The following PHF21B variants were observed in gnomAD, a reference collection of about 807,000 sequenced individuals.
PHF21B encodes the protein PHD finger protein 21B, also known as PHD finger protein 4.
PHF21B carries 22 observed loss-of-function variants against 62.2 expected under a neutral mutation model. The ratio of observed to expected loss-of-function variants is 0.35; its 90% CI spans 0.25 to 0.51. The LOEUF is 0.51. Ranked by LOEUF, PHF21B falls within the 20% of genes least tolerant of loss-of-function variation. The pLI, the probability that PHF21B is intolerant of heterozygous loss-of-function variation, is 0.97. For missense variants in PHF21B, 701 were observed against 707.9 expected (o/e 0.99, Z 0.11); for synonymous variants, 341 against 314.7 (o/e 1.08, Z -0.88).
At chr22:44,921,364 T>G (rs1191777631) in intron 2 of PHF21B, among the ~76,000 whole-genome samples, 1 of 151,962 alleles carries the variant, frequency 6.6e-6, no homozygotes, top group South Asian at 2.1e-4. Context: ...CAGTTCTTTT[T>G]TTTTTTCTTT....
At chr22:44,900,492 G>A (rs2071138323) in intron 5 of PHF21B, among the ~76,000 whole-genome samples, 1 of 152,142 alleles carries the variant, frequency 6.6e-6, no homozygotes, top group African/African-American at 2.4e-5. Flanking sequence ...CTAGAGATGG[G>A]GTTTCACCAT....
chr22:44,885,456 C>T lies in PHF21B; in HGVS notation c.1347G>A (p.Glu449=). 1 of 1,593,210 alleles carries T rather than the reference C, an allele frequency of 6.3e-7. No homozygotes were observed. Among genetic ancestry groups the T allele is most frequent in the Non-Finnish European group, 8.5e-7 (1 of 1,170,680 alleles). Reference sequence around the variant, plus strand: ...CTGCTGACGCCAGCCGCCGGTCCCGCTCCTCCAGCTGCTGGTGCTCGTTCT... The same window carrying T: ...CTGCTGACGCCAGCCGCCGGTCCCGTTCCTCCAGCTGCTGGTGCTCGTTCT... ...ELQNEHQQLE[E]RDRRLASAVQ... Residue 449 remains glutamate, a synonymous_variant, in exon 12 of 13, where the codon GAG becomes GAA. Transcript: ENST00000313237.
At position 44,886,059 on chromosome 22, in the gene PHF21B, G is replaced by A. The variant is rs1057435144; in HGVS notation, c.1198-121C>T. 14 of 836,604 alleles carry A rather than the reference G, an allele frequency of 1.7e-5. No homozygotes were observed. The African/African-American group carries it at 2.0e-4, about 12-fold the overall frequency. 51.8% of individuals were successfully genotyped at this position (836,604 alleles called of 1,614,324 possible). On this transcript the variant is annotated intron_variant, in intron 10 of 12. Coordinates refer to ENST00000313237, the MANE Select transcript of PHF21B (RefSeq NM_138415.5). Reference sequence around the variant, plus strand: ...TGTCTGAGCCACAGGGTCCTCACCCGTGACCAGGAGCTGGGGCCGCACATG... The same window carrying A: ...TGTCTGAGCCACAGGGTCCTCACCCATGACCAGGAGCTGGGGCCGCACATG...
intron 2 of PHF21B, among the ~76,000 whole-genome samples, chr22:45,004,437 A>AG (rs933432942): frequency 3.3e-5 from 5 of 152,176 alleles, no homozygotes; most frequent in African/African-American, 1.2e-4. Context: ...CAGGCTAACC[A>AG]GGGGTGAAAC....
intron 2 of PHF21B, chr22:44,989,474 G>A (rs766497546): frequency 5.3e-5 from 8 of 152,084 alleles, no homozygotes; most frequent in Non-Finnish European, 1.0e-4. Context: ...CTACACAAAT[G>A]TTAGTTGTTG....
chr22:44,931,979 G>A (rs980455173), intron 2 of PHF21B, among the ~76,000 whole-genome samples: 2 of 152,170 alleles, frequency 1.3e-5, no homozygotes, highest in African/African-American at 4.8e-5. Context: ...TGGACAGGAG[G>A]GACATCTCTA....
At chr22:44,958,598 ATTTTTTTTTTT>A (rs59943293) in intron 2 of PHF21B, among the ~76,000 whole-genome samples, 2 of 75,886 alleles carry the variant, frequency 2.6e-5, no homozygotes, top group Non-Finnish European at 4.4e-5. Context: ...CCTTCCTTTG[ATTTTTTTTTTT>A]TTTTTTTTTT....
At chr22:44,975,434 G>A (rs1249332588) in intron 2 of PHF21B, among the ~76,000 whole-genome samples, 2 of 152,124 alleles carry the variant, frequency 1.3e-5, no homozygotes, top group African/African-American at 2.4e-5. Context: ...AGTGTATGGA[G>A]AGCAGGCGTC....
At chr22:44,894,010 G>A (rs2071013899) in intron 6 of PHF21B, among the ~76,000 whole-genome samples, 1 of 152,218 alleles carries the variant, frequency 6.6e-6, no homozygotes, top group Non-Finnish European at 1.5e-5. Flanking sequence ...GCGAGCGAGA[G>A]GGGGCATGGC....
At chr22:44,943,048 T>G (rs2071992654) in intron 2 of PHF21B, among the ~76,000 whole-genome samples, 1 of 139,394 alleles carries the variant, frequency 7.2e-6, no homozygotes, top group African/African-American at 2.8e-5. Flanking sequence ...GCACACAAAG[T>G]AGATGGAAGA....
chr22:44,961,900 A>T (rs2072431471), intron 2 of PHF21B, among the ~76,000 whole-genome samples: 1 of 150,716 alleles, frequency 6.6e-6, no homozygotes, highest in Non-Finnish European at 1.5e-5. Context: ...AAATAAGTAT[A>T]ATGACCTCCA....
chr22:44,928,460 A>G (rs371614726), intron 2 of PHF21B, among the ~76,000 whole-genome samples: 154 of 152,288 alleles, frequency 1.0e-3, no homozygotes, highest in African/African-American at 3.6e-3. Flanking sequence ...CCCAGGCTGC[A>G]GTGCAATAGC....
At chr22:44,992,699 G>C (rs2073060126) in intron 2 of PHF21B, among the ~76,000 whole-genome samples, 5 of 152,210 alleles carry the variant, frequency 3.3e-5, no homozygotes, top group Admixed American at 3.3e-4. Flanking sequence ...TCTGTGGACT[G>C]AACAGCGTGT....
At chr22:44,938,237 G>GT (rs375364728) in intron 2 of PHF21B, among the ~76,000 whole-genome samples, 1 of 151,874 alleles carries the variant, frequency 6.6e-6, no homozygotes, top group African/African-American at 2.4e-5. Flanking sequence ...ACCATGCCTG[G>GT]TTTTTTGTTT....
intron 2 of PHF21B, among the ~76,000 whole-genome samples, chr22:44,954,377 G>C (rs1441353211): frequency 6.6e-6 from 1 of 152,136 alleles, no homozygotes; most frequent in Admixed American, 6.5e-5. Context: ...CTTGGATCTG[G>C]ATCTTGCCAG....
At chr22:44,946,199 G>T (rs1397606180) in intron 2 of PHF21B, among the ~76,000 whole-genome samples, 1 of 152,120 alleles carries the variant, frequency 6.6e-6, no homozygotes. Flanking sequence ...GGCTGAGAGT[G>T]GAGGGGGCAC....
At chr22:44,948,298 C>A (rs936843894) in intron 2 of PHF21B, among the ~76,000 whole-genome samples, 1 of 152,148 alleles carries the variant, frequency 6.6e-6, no homozygotes, top group Admixed American at 6.5e-5. Flanking sequence ...GTCCCATCTG[C>A]GGGTGGGTGA....
At chr22:44,908,119 G>A (rs937904152) in intron 5 of PHF21B, among the ~76,000 whole-genome samples, 2 of 152,200 alleles carry the variant, frequency 1.3e-5, no homozygotes, top group African/African-American at 4.8e-5. Context: ...CGGGTCCTGA[G>A]CAGTAGGTTC....
rs548816247 is a variant in PHF21B, at chr22:44,950,872, T to C, written c.121-30382A>G. ...CAGAGACGCTTGATTTTTTTCTTAC[T>C]CATTCTGGCTAGGGTTAGCCGGTGG... On this transcript the variant is annotated intron_variant, in intron 2 of 12. Coordinates refer to ENST00000313237, the MANE Select transcript of PHF21B (RefSeq NM_138415.5). 4.6e-5 allele frequency among the ~76,000 whole-genome samples: 7 copies of C among 152,268 alleles called. No individual in the cohort carries two copies. The South Asian group carries it at 1.5e-3, about 32-fold the overall frequency.
Sources: gnomAD v4.1 joint callset for allele counts (sites outside exome capture counted in the v4.1 genomes callset) on GRCh38, gnomAD v4.1.1 for gene constraint, MANE v1.5 for transcripts, NCBI Gene and HGNC (gene_info 2026-07-23, HGNC 2026-07-21) for gene names.